The following XPO5 variants were observed in gnomAD, a reference collection of about 807,000 sequenced individuals.
XPO5 encodes exportin 5, also known as exportin-5.
A neutral mutation model predicts 160.6 loss-of-function variants in XPO5; 46 were observed. The ratio of observed to expected loss-of-function variants is 0.29; its 90% CI spans 0.23 to 0.37. The LOEUF (loss-of-function observed/expected upper bound fraction) is 0.37, where lower values mean the gene tolerates loss of function less well. Among genes scored for constraint, XPO5 ranks in the 10% least tolerant of loss-of-function variants. The pLI is 1.00. For missense variants in XPO5, 1,090 were observed against 1,463.9 expected (o/e 0.74, Z 4.17); for synonymous variants, 537 against 519.3 (o/e 1.03, Z -0.46).
rs142746979 is a variant in XPO5 at position 43,572,442 on chromosome 6, T to C, written c.300+64A>G. On this transcript the variant is annotated intron_variant, in intron 3 of 31. Coordinates refer to ENST00000265351, the MANE Select transcript of XPO5 (RefSeq NM_020750.3). ...AGTGAATTTTTACACAAACTCCCTA[T>C]TGAAGAAGTCACGCTTTGCCTAAAC... 2,008 of 1,512,530 alleles carry C rather than the reference T, an allele frequency of 1.3e-3. 2 individuals carry two copies. Among genetic ancestry groups the C allele is most frequent in the Non-Finnish European group, 1.5e-3 (1,681 of 1,088,316 alleles). The allele number at this position is 1,512,530 out of a possible 1,614,324, so 93.7% of individuals were successfully genotyped here. A position where few individuals can be genotyped will look rare whatever the true frequency, so the allele number is the denominator to read the frequency against.
intron 9 of XPO5, 63 bp downstream of exon 9, chr6:43,562,184 T>G: frequency 7.3e-7 from 1 of 1,373,284 alleles, no homozygotes; most frequent in South Asian, 1.3e-5. Context: ...CATTGAAACA[T>G]AAGTTTCTAA....
chr6:43,525,252 A>C lies in XPO5; in HGVS notation c.3067-38T>G, dbSNP rs374398375. 155 of 1,542,616 alleles carry C rather than the reference A, an allele frequency of 1.0e-4. 1 individual carries two copies. The Admixed American group carries it at 1.1e-3, about 11-fold the overall frequency. On this transcript the variant is annotated intron_variant, in intron 28 of 31. Coordinates refer to ENST00000265351, the MANE Select transcript of XPO5 (RefSeq NM_020750.3). ...AGATGAAGAGTTACAATGGAAAAAG[A>C]AGCACAGTTTTCTCTGATGATTATT...
intron 26 of XPO5, chr6:43,526,983 G>C: frequency 3.9e-6 from 2 of 516,354 alleles, no homozygotes; most frequent in Non-Finnish European, 3.5e-6. Flanking sequence ...TTCTCTGAGA[G>C]TGAGTGACTA....
intron 1 of XPO5, among the ~76,000 whole-genome samples, chr6:43,574,022 G>A (rs895097488): frequency 1.3e-5 from 2 of 151,746 alleles, no homozygotes; most frequent in Admixed American, 6.6e-5. Context: ...TAGAAACAAG[G>A]TTTCATCATG....
At chr6:43,529,981 A>G (rs945308448) in intron 23 of XPO5, among the ~76,000 whole-genome samples, 1 of 151,240 alleles carries the variant, frequency 6.6e-6, no homozygotes, top group Non-Finnish European at 1.5e-5. Flanking sequence ...ACAGCTGGGC[A>G]TGGTGGCTCA....
intron 14 of XPO5, 49 bp downstream of exon 14, chr6:43,553,324 G>C (rs773553541): frequency 6.4e-7 from 1 of 1,568,600 alleles, no homozygotes; most frequent in South Asian, 1.2e-5. Flanking sequence ...GAAAAGAAAA[G>C]AAAAAGGTCA....
intron 5 of XPO5, among the ~76,000 whole-genome samples, chr6:43,569,365 T>C (rs1474793915): frequency 2.0e-5 from 3 of 151,668 alleles, no homozygotes; most frequent in African/African-American, 7.3e-5. Context: ...GGCTATTCAG[T>C]GAATATACAA....
At chr6:43,567,012 G>A (rs1454588516) in intron 7 of XPO5, among the ~76,000 whole-genome samples, 157 bp downstream of exon 7, 1 of 151,968 alleles carries the variant, frequency 6.6e-6, no homozygotes, top group Non-Finnish European at 1.5e-5. Flanking sequence ...TTGAATATTG[G>A]CAAACTCCTG....
In XPO5 at chr6:43,549,900, T is replaced by A. The variant is rs1236284456; in HGVS notation, c.1763A>T (p.Glu588Val). 1 of 1,611,382 alleles carries A rather than the reference T, an allele frequency of 6.2e-7. No homozygotes were observed. The highest frequency in any genetic ancestry group is 8.5e-7 in the Non-Finnish European group (1 of 1,178,542). ...TTTAATTAATGGTCTTACCTTACTT[T>A]CTTCAACAGTTTCAAAAGTGACAGA... is the stretch of plus-strand genomic sequence containing the variant. ...FSSVTFETVE[E>V]SKAPRTRAVR... is the part of the protein sequence containing the mutation. The change falls in exon 16 of 32, where the codon GAA becomes GTA. Residue 588 changes from glutamate (E) to valine (V), a missense_variant. Glu to Val is a moderately radical substitution (Grantham distance 121, BLOSUM62 -2). Around this residue, in one of 3 missense-constraint regions of XPO5, gnomAD observed 810 missense variants for 1,139.0 expected, o/e 0.71. Coordinates refer to ENST00000265351, the MANE Select transcript of XPO5 (RefSeq NM_020750.3).
chr6:43,569,406 A>T (rs1762874630), intron 5 of XPO5, among the ~76,000 whole-genome samples: 1 of 151,930 alleles, frequency 6.6e-6, no homozygotes, highest in Non-Finnish European at 1.5e-5. Context: ...TATATTTCAA[A>T]TCCATACAAA....
In XPO5 at chr6:43,540,176, G is replaced by A. The variant is rs184529171; in HGVS notation, c.2343-6169C>T. Among the ~76,000 whole-genome samples the A allele has an allele frequency of 7.2e-3, 1,099 of 152,188 alleles. 17 individuals are homozygous for A. Among genetic ancestry groups the A allele is most frequent in the African/African-American group, 0.025 (1,039 of 41,514 alleles). On this transcript the variant is annotated intron_variant, in intron 20 of 31. Coordinates refer to ENST00000265351, the MANE Select transcript of XPO5 (RefSeq NM_020750.3). ...AGGCCAAGGAGGGGGGATCACCTGA[G>A]GTCAGGAGTTCAAGACCAGGCTGGC...
intron 7 of XPO5, chr6:43,566,747 T>G (rs1461137279): frequency 4.5e-5 from 11 of 244,022 alleles, no homozygotes; most frequent in Non-Finnish European, 7.3e-5. Flanking sequence ...AAGGCGGACG[T>G]TGCAGTGAGC....
rs1762343737 is a variant in XPO5, at chr6:43,560,169, A to G, written c.1221+9T>C. On this transcript the variant is annotated intron_variant, in intron 11 of 31. Coordinates refer to ENST00000265351, the MANE Select transcript of XPO5 (RefSeq NM_020750.3). ...CTACATTCCACATGTTTAGATTCCCATTATATACCTTGACCAAGTTAGTCA... is the reference window on the plus strand; with the variant it reads ...CTACATTCCACATGTTTAGATTCCCGTTATATACCTTGACCAAGTTAGTCA... 3 of 1,612,032 alleles carry G rather than the reference A, an allele frequency of 1.9e-6. No individual in the cohort carries two copies. Among genetic ancestry groups the G allele is most frequent in the East Asian group, 4.5e-5 (2 of 44,858 alleles).
At chr6:43,557,593 C>T (rs1473567498) in intron 12 of XPO5, among the ~76,000 whole-genome samples, 2 of 151,786 alleles carry the variant, frequency 1.3e-5, no homozygotes, top group Admixed American at 6.6e-5. Flanking sequence ...TTGCCTAGGA[C>T]TGGGAGAGAT....
intron 1 of XPO5, among the ~76,000 whole-genome samples, chr6:43,574,364 G>A (rs1455655671): frequency 6.6e-6 from 1 of 150,980 alleles, no homozygotes; most frequent in Non-Finnish European, 1.5e-5. Context: ...AATATTATGT[G>A]GATCTCCAAG....
intron 20 of XPO5, among the ~76,000 whole-genome samples, chr6:43,540,947 G>A (rs1282437672): frequency 6.6e-6 from 1 of 151,874 alleles, no homozygotes; most frequent in Non-Finnish European, 1.5e-5. Context: ...CTTGTCATTT[G>A]CAACAATATG....
intron 20 of XPO5, among the ~76,000 whole-genome samples, chr6:43,537,993 G>A (rs964061211): frequency 8.7e-5 from 13 of 149,016 alleles, no homozygotes; most frequent in Non-Finnish European, 1.5e-4. Flanking sequence ...GCTGAGGCAG[G>A]AGAATTGCTT....
rs142485510 is a variant in XPO5, at chr6:43,556,078, GC to G, written c.1313-115del. ...GAAAAGCATTCAAAGGAACTGTTTT[GC>G]AGACTTGTGCTTTGCATGTAATAAT... On this transcript the variant is annotated intron_variant, in intron 12 of 31. Coordinates refer to ENST00000265351, the MANE Select transcript of XPO5 (RefSeq NM_020750.3). 2.5e-3 allele frequency: 3,544 copies of G among 1,392,428 alleles called. 77 individuals carry two copies. In the African/African-American group the frequency reaches 0.046, roughly 18 times the overall value. The allele number at this position is 1,392,428 out of a possible 1,614,324, so 86.3% of individuals were successfully genotyped here.
At chr6:43,528,695 G>C (rs1050308887) in intron 24 of XPO5, 133 bp downstream of exon 24, 7 of 808,232 alleles carry the variant, frequency 8.7e-6, no homozygotes, top group Non-Finnish European at 1.2e-5. Context: ...AGTCAGCTGG[G>C]GTAGAAGCTC....
Sources: gnomAD v4.1 joint callset for allele counts (sites outside exome capture counted in the v4.1 genomes callset) on GRCh38, gnomAD v4.1.1 for gene constraint, gnomAD v4.1.1 regional missense constraint, MANE v1.5 for transcripts, NCBI Gene and HGNC (gene_info 2026-07-23, HGNC 2026-07-21) for gene names.